CCDC13: variants seen among roughly 807,000 people sequenced by gnomAD.
CCDC13 encodes the protein coiled-coil domain containing 13, also known as coiled-coil domain-containing protein 13.
Under a neutral mutation model 87.3 loss-of-function variants are expected in CCDC13, and 70 were observed. That is an observed-to-expected ratio of 0.80 (90% CI 0.66 to 0.98). CCDC13 has a LOEUF of 0.98. Ranked by LOEUF, CCDC13 falls within the 50% of genes least tolerant of loss-of-function variation. The probability of loss-of-function intolerance (pLI) is 0.00; values close to 1 mark genes in which losing one functional copy is unlikely to be tolerated. For missense variants in CCDC13, 842 were observed against 892.0 expected (o/e 0.94, Z 0.71); for synonymous variants, 317 against 360.3 (o/e 0.88, Z 1.36).
At chr3:42,754,556 C>T (rs184823131) in intron 3 of CCDC13, among the ~76,000 whole-genome samples, 109 of 152,270 alleles carry the variant, frequency 7.2e-4, no homozygotes, top group African/African-American at 2.5e-3. Context: ...ATGGAGTAAG[C>T]GCACTCTACC....
rs1014396537 is a variant in CCDC13, at chr3:42,709,699, T to G, written c.1973A>C (p.Glu658Ala). 4.3e-6 allele frequency: 7 copies of G among 1,614,022 alleles called. No individual in the cohort carries two copies. Among genetic ancestry groups the G allele is most frequent in the Non-Finnish European group, 5.9e-6 (7 of 1,179,900 alleles). Residue 658 changes from glutamate to alanine, a missense_variant, in exon 15 of 16, where the codon GAA (glutamate) becomes GCA (alanine). Transcript: ENST00000310232. ...AGGGGAGCACCTGGTTGTCAGCTCT[T>G]CCATTTGGGATTCCACGGGCACATC... ...LSDVPVESQMEELTTRLAIQV... is the reference protein window; with the variant it reads ...LSDVPVESQMAELTTRLAIQV...
At chr3:42,765,580 GTA>G (rs949356552) in intron 1 of CCDC13, among the ~76,000 whole-genome samples, 85 of 152,198 alleles carry the variant, frequency 5.6e-4, no homozygotes, top group African/African-American at 2.0e-3. Flanking sequence ...TAACATTTTT[GTA>G]TTTTTAAAGC....
intron 14 of CCDC13, among the ~76,000 whole-genome samples, chr3:42,711,249 A>AAAAAAAAAAAAAAAAAAAAAAAAG (rs1698305669): frequency 6.8e-6 from 1 of 146,850 alleles, no homozygotes; most frequent in African/African-American, 2.6e-5. Context: ...CTGTCTCCAA[A>AAAAAAAAAAAAAAAAAAAAAAAAG]AAAAAAAAAA....
intron 13 of CCDC13, among the ~76,000 whole-genome samples, chr3:42,716,895 T>C (rs973713519): frequency 1.3e-5 from 2 of 152,126 alleles, no homozygotes; most frequent in Admixed American, 1.3e-4. Flanking sequence ...TTATTCACAA[T>C]AGCCAAAAAG....
At chr3:42,711,768 C>A (rs937941946) in intron 14 of CCDC13, among the ~76,000 whole-genome samples, 18 of 152,204 alleles carry the variant, frequency 1.2e-4, no homozygotes, top group Non-Finnish European at 2.1e-4. Flanking sequence ...GTAAGTGGTG[C>A]TCTGCTCACC....
At chr3:42,742,436 T>C (rs558745098) in intron 8 of CCDC13, among the ~76,000 whole-genome samples, 3 of 152,306 alleles carry the variant, frequency 2.0e-5, no homozygotes, top group Non-Finnish European at 4.4e-5. Flanking sequence ...CATGGGCCAA[T>C]GACTTCCCTT....
rs996412971 is a variant in CCDC13 at position 42,747,390 on chromosome 3, GGAGA to G, written c.604-21_604-18del. On this transcript the variant is annotated intron_variant, in intron 5 of 15. Transcript: ENST00000310232. Reference sequence around the variant, plus strand: ...GGTCTCCAGCTGGTTGGGAAGGACAGGAGAGAAAGTAGTCATTTATTGCCTACAT... The same window carrying G: ...GGTCTCCAGCTGGTTGGGAAGGACAGGAAAGTAGTCATTTATTGCCTACAT... 2 of 1,559,578 alleles carry G rather than the reference GGAGA, an allele frequency of 1.3e-6. No individual in the cohort carries two copies. Among genetic ancestry groups the G allele is most frequent in the Non-Finnish European group, 1.8e-6 (2 of 1,131,576 alleles).
intron 8 of CCDC13, among the ~76,000 whole-genome samples, chr3:42,742,421 G>A (rs562604773): frequency 1.8e-4 from 27 of 152,296 alleles, no homozygotes; most frequent in Non-Finnish European, 2.5e-4. Flanking sequence ...TGGATTGTTC[G>A]TTTACATGGG....
chr3:42,726,474 A>AG (rs1315700188), intron 13 of CCDC13, among the ~76,000 whole-genome samples: 1 of 152,200 alleles, frequency 6.6e-6, no homozygotes, highest in Non-Finnish European at 1.5e-5. Context: ...CAAAATAGTA[A>AG]GGGTAAAGAG....
intron 1 of CCDC13, among the ~76,000 whole-genome samples, chr3:42,767,173 A>G (rs1699948069): frequency 6.6e-6 from 1 of 152,140 alleles, no homozygotes; most frequent in Non-Finnish European, 1.5e-5. Flanking sequence ...ATCTATTAAA[A>G]AAAAAAAGAA....
chr3:42,712,093 C>T (rs982109721), intron 14 of CCDC13, among the ~76,000 whole-genome samples: 2 of 152,202 alleles, frequency 1.3e-5, no homozygotes, highest in Non-Finnish European at 2.9e-5. Flanking sequence ...GCAAGTGGCC[C>T]CAACACCCTC....
At chr3:42,772,783 G>A (rs1383602902) in intron 1 of CCDC13, among the ~76,000 whole-genome samples, 2 of 152,170 alleles carry the variant, frequency 1.3e-5, no homozygotes, top group Admixed American at 1.3e-4. Flanking sequence ...TGGGAGATGC[G>A]GAAGTGCACG....
chr3:42,720,411 A>G (rs1368023053), intron 13 of CCDC13, among the ~76,000 whole-genome samples: 1 of 152,238 alleles, frequency 6.6e-6, no homozygotes, highest in Non-Finnish European at 1.5e-5. Flanking sequence ...TAGACGCTGG[A>G]AAGAGTCAGA....
intron 12 of CCDC13, among the ~76,000 whole-genome samples, chr3:42,730,853 G>T (rs1216223118): frequency 6.6e-6 from 1 of 152,122 alleles, no homozygotes; most frequent in Admixed American, 6.5e-5. Flanking sequence ...CCCTGTGGGG[G>T]CCTGGAATTA....
intron 13 of CCDC13, among the ~76,000 whole-genome samples, chr3:42,726,104 G>C (rs537014514): frequency 2.8e-4 from 43 of 152,152 alleles, no homozygotes; most frequent in Non-Finnish European, 5.3e-4. Flanking sequence ...GAGTGGAGTG[G>C]CGTGATCTTG....
intron 13 of CCDC13, among the ~76,000 whole-genome samples, chr3:42,718,378 C>T (rs1698480175): frequency 6.6e-6 from 1 of 152,172 alleles, no homozygotes; most frequent in Non-Finnish European, 1.5e-5. Context: ...AAATAACCCA[C>T]CCCTTGTTTA....
At chr3:42,752,286 A>G (rs532698925) in intron 4 of CCDC13, among the ~76,000 whole-genome samples, 2 of 152,326 alleles carry the variant, frequency 1.3e-5, no homozygotes, top group South Asian at 4.1e-4. Context: ...ATAATGGTAC[A>G]CTTATAATCT....
intron 9 of CCDC13, among the ~76,000 whole-genome samples, chr3:42,737,573 C>T (rs1354966547): frequency 6.6e-6 from 1 of 152,196 alleles, no homozygotes; most frequent in East Asian, 1.9e-4. Flanking sequence ...TCTCCAGCAC[C>T]TGTTGTTTCC....
intron 1 of CCDC13, among the ~76,000 whole-genome samples, chr3:42,768,152 C>A (rs1035668349): frequency 2.6e-5 from 4 of 152,036 alleles, no homozygotes; most frequent in Admixed American, 2.6e-4. Context: ...CAACGAATAT[C>A]CATATGTAAA....
Sources: gnomAD v4.1 joint callset for allele counts (sites outside exome capture counted in the v4.1 genomes callset) on GRCh38, gnomAD v4.1.1 for gene constraint, MANE v1.5 for transcripts, NCBI Gene and HGNC (gene_info 2026-07-23, HGNC 2026-07-21) for gene names.